Variants in DYNC2H1 observed in about 807,000 individuals in gnomAD.
DYNC2H1 encodes the protein dynein cytoplasmic 2 heavy chain 1.
In DYNC2H1, 410 loss-of-function variants were observed where a neutral mutation model predicts 570.0. That is an observed-to-expected ratio of 0.72 (90% confidence interval 0.66 to 0.78). DYNC2H1 has a LOEUF of 0.78. Among genes scored for constraint, DYNC2H1 ranks in the 30% least tolerant of loss-of-function variants. DYNC2H1 has a pLI of 0.00. For missense variants in DYNC2H1, 4,865 were observed against 5,046.4 expected (o/e 0.96, Z 1.09); for synonymous variants, 1,688 against 1,677.6 (o/e 1.01, Z -0.15).
At chr11:103,286,987 A>G (rs1213426995) in intron 74 of DYNC2H1, among the ~76,000 whole-genome samples, 2 of 152,204 alleles carry the variant, frequency 1.3e-5, no homozygotes, top group Admixed American at 1.3e-4. Context: ...GAAAACTTAA[A>G]CATCTAGGAA....
chr11:103,158,754 T>C lies in DYNC2H1; in HGVS notation c.4205T>C (p.Leu1402Pro), dbSNP rs1860949358. The change falls in exon 27 of 89, where the codon CTA (leucine) becomes CCA (proline). Residue 1402 changes from leucine (L) to proline (P), a missense_variant. Physicochemically the swap from Leu to Pro is moderately conservative, Grantham distance 98. Transcript: ENST00000375735. Reference protein sequence around the residue: ...TTHAGIRNSLLTILDQLQRCQ... With the variant: ...TTHAGIRNSLPTILDQLQRCQ... ...CATGCTGGAATAAGAAATTCTCTACTAACAATACTTGATCAGCTTCAAAGA... is the reference window on the plus strand; with the variant it reads ...CATGCTGGAATAAGAAATTCTCTACCAACAATACTTGATCAGCTTCAAAGA... The C allele has an allele frequency of 1.3e-6, 2 of 1,513,046 alleles. No individual in the cohort carries two copies. Among genetic ancestry groups the C allele is most frequent in the East Asian group, 4.9e-5 (2 of 40,780 alleles). The allele number at this position is 1,513,046 out of a possible 1,614,324, so 93.7% of individuals were successfully genotyped here. A position where few individuals can be genotyped will look rare whatever the true frequency, so the allele number is the denominator to read the frequency against.
At position 103,199,696 on chromosome 11, in the gene DYNC2H1, A is replaced by G. The variant is rs916239268; in HGVS notation, c.8088+220A>G. On this transcript the variant is annotated intron_variant, in intron 49 of 88. Coordinates refer to ENST00000375735, the MANE Select transcript of DYNC2H1 (RefSeq NM_001377.3). The surrounding 1 kb of genome is among the most constrained non-coding windows in gnomAD (Gnocchi z 4.6). ...TTTTTATCTATAGACAGGAAAGAGA[A>G]TACTATTAGAATTTCTAGGAAGCAG... 2.0e-5 allele frequency among the ~76,000 whole-genome samples: 3 copies of G among 152,186 alleles called. No individual in the cohort carries two copies. Among genetic ancestry groups the G allele is most frequent in the Admixed American group, 2.0e-4 (3 of 15,284 alleles).
intron 59 of DYNC2H1, among the ~76,000 whole-genome samples, chr11:103,226,217 CTGAT>C (rs1367579951): frequency 1.3e-5 from 2 of 152,168 alleles, no homozygotes; most frequent in African/African-American, 4.8e-5. Context: ...TTTCTCTTGT[CTGAT>C]TGTTCTGGCT....
chr11:103,177,778 G>A lies in DYNC2H1; in HGVS notation c.6097G>A (p.Val2033Ile). 6.2e-7 allele frequency: 1 copy of A among 1,612,708 alleles called. No homozygotes were observed. The highest frequency in any genetic ancestry group is 8.5e-7 in the Non-Finnish European group (1 of 1,179,400). The change falls in exon 38 of 89, where the codon GTT becomes ATT. Residue 2033 changes from valine (V) to isoleucine (I), a missense_variant. Val to Ile is a conservative substitution (Grantham distance 29). Around this residue, in one of 5 missense-constraint regions of DYNC2H1, gnomAD observed 231 missense variants for 310.3 expected, o/e 0.74. Transcript: ENST00000375735. This position sits in a 1 kb window ranked among gnomAD's most constrained non-coding sequence, Gnocchi z 4.4. ...GGACACAAGAGAATGGTCTGATGGT[G>A]TTTTGACAAATAGTGCTCGTCAAGT... is the stretch of plus-strand genomic sequence containing the variant. The part of the protein sequence containing the change: ...DMDTREWSDG[V>I]LTNSARQVVR...
At chr11:103,168,689 A>G in intron 31 of DYNC2H1, 66 bp from the exon 32 acceptor site, 1 of 1,497,640 alleles carries the variant, frequency 6.7e-7, no homozygotes, top group East Asian at 2.3e-5. Flanking sequence ...TGTACACGTA[A>G]TCATAAATTA....
rs568135771 is a variant in DYNC2H1 at position 103,304,492 on chromosome 11, G to T, written c.11257-103G>T. 15 of 1,231,906 alleles carry T rather than the reference G, an allele frequency of 1.2e-5. No individual in the cohort carries two copies. The East Asian group carries it at 3.8e-4, about 32-fold the overall frequency. 76.3% of individuals were successfully genotyped at this position (1,231,906 alleles called of 1,614,324 possible). A position where few individuals can be genotyped will look rare whatever the true frequency, so the allele number is the denominator to read the frequency against. On this transcript the variant is annotated intron_variant, in intron 76 of 88. Coordinates refer to ENST00000375735, the MANE Select transcript of DYNC2H1 (RefSeq NM_001377.3). ...TCTTCCAAATTTATTATTAAAGCCA[G>T]TTAGGAAGGTTTAGGGATTACTATT...
In DYNC2H1 at chr11:103,170,093, G is replaced by T. The variant is rs747873813; in HGVS notation, c.4969-15G>T. On this transcript the variant is annotated splice_polypyrimidine_tract_variant and intron_variant, in intron 32 of 88. Coordinates refer to ENST00000375735, the MANE Select transcript of DYNC2H1 (RefSeq NM_001377.3). This position sits in a 1 kb window ranked among gnomAD's most constrained non-coding sequence, Gnocchi z 4.8. ...TAGAACATGAATACTCTGACTTTGT[G>T]TTGTTCTTGTATAGGGTAATGCTTC... 1 of 1,591,066 alleles carries T rather than the reference G, an allele frequency of 6.3e-7. No homozygotes were observed. Among genetic ancestry groups the T allele is most frequent in the East Asian group, 2.3e-5 (1 of 43,528 alleles).
At chr11:103,423,479 C>G (rs1469005850) in intron 84 of DYNC2H1, among the ~76,000 whole-genome samples, 1 of 148,340 alleles carries the variant, frequency 6.7e-6, no homozygotes, top group African/African-American at 2.5e-5. Context: ...AAATTATCCC[C>G]AAAGTAATCA....
intron 75 of DYNC2H1, among the ~76,000 whole-genome samples, chr11:103,288,827 G>A (rs1866466616): frequency 6.8e-6 from 1 of 147,674 alleles, no homozygotes; most frequent in East Asian, 2.0e-4. Flanking sequence ...GTTGCAATGA[G>A]GAGATATCAT....
chr11:103,392,673 C>T (rs1942212329), intron 83 of DYNC2H1, among the ~76,000 whole-genome samples: 1 of 152,052 alleles, frequency 6.6e-6, no homozygotes, highest in Non-Finnish European at 1.5e-5. Flanking sequence ...GCACATAAAC[C>T]ACACCAAAAG....
intron 10 of DYNC2H1, among the ~76,000 whole-genome samples, 194 bp from the exon 11 acceptor site, chr11:103,122,631 T>A (rs180779774): frequency 6.6e-6 from 1 of 152,358 alleles, no homozygotes; most frequent in East Asian, 1.9e-4. Flanking sequence ...GCGTTTGCTC[T>A]TCTGCGGCTG....
rs1349714186 is a variant in DYNC2H1, at chr11:103,395,515, A to T, written c.12157-4148A>T. On this transcript the variant is annotated intron_variant, in intron 83 of 88. Transcript: ENST00000375735. This position sits in a 1 kb window ranked among gnomAD's most constrained non-coding sequence, Gnocchi z 4.3. The stretch of plus-strand genomic sequence containing the variant: ...TGTACACACACACACACACACACAC[A>T]CTTCTCTGTATTGGCACCATTTTTC... Among the ~76,000 whole-genome samples, 1 of 146,088 alleles carries T rather than the reference A, an allele frequency of 6.8e-6. No homozygotes were observed. The highest frequency in any genetic ancestry group is 1.5e-5 in the Non-Finnish European group (1 of 65,778).
chr11:103,318,584 C>T (rs1937991987), intron 80 of DYNC2H1, among the ~76,000 whole-genome samples: 1 of 151,976 alleles, frequency 6.6e-6, no homozygotes, highest in Admixed American at 6.6e-5. Flanking sequence ...ATGGGTAATG[C>T]TGCTATACCT....
At position 103,256,116 on chromosome 11, in the gene DYNC2H1, C is replaced by T. The variant is rs1295977897; in HGVS notation, c.10337C>T (p.Thr3446Ile). ...TAACTTTCCCTACAGACACTTGCCA[C>T]ATCTCAAGGCAATATTTTGGAAAAT... ...LEESLLETLA[T>I]SQGNILENKD... Residue 3446 changes from threonine to isoleucine, a missense_variant, in exon 68 of 89, where the codon ACA (threonine) becomes ATA (isoleucine). Coordinates refer to ENST00000375735, the MANE Select transcript of DYNC2H1 (RefSeq NM_001377.3). This position sits in a 1 kb window ranked among gnomAD's most constrained non-coding sequence, Gnocchi z 4.0. The T allele has an allele frequency of 1.9e-6, 3 of 1,602,572 alleles. No homozygotes were observed. The highest frequency in any genetic ancestry group is 2.6e-6 in the Non-Finnish European group (3 of 1,173,538).
Position 103,184,838 on chromosome 11 carries a change from A to G in DYNC2H1, c.6478-58A>G, listed in dbSNP as rs1862001516. ...TGTGAACATCAGTCTGTATGGTTCTATGTTTACTGGTTAATAGTTGCCTTT... is the reference window on the plus strand; with the variant it reads ...TGTGAACATCAGTCTGTATGGTTCTGTGTTTACTGGTTAATAGTTGCCTTT... On this transcript the variant is annotated intron_variant, in intron 40 of 88. Coordinates refer to ENST00000375735, the MANE Select transcript of DYNC2H1 (RefSeq NM_001377.3). 1.0e-5 allele frequency: 16 copies of G among 1,589,040 alleles called. No individual in the cohort carries two copies. In the South Asian group the frequency reaches 1.4e-4, roughly 14 times the overall value.
Position 103,446,778 on chromosome 11 carries a change from A to T in DYNC2H1, c.12457-8408A>T, listed in dbSNP as rs999637194. ...AAATGATTTTAGGAGTAAAGTTCTT[A>T]AAAAGGCAAGAGGAAATAGGGCCCA... On this transcript the variant is annotated intron_variant, in intron 85 of 88. Transcript: ENST00000375735. The surrounding 1 kb of genome is among the most constrained non-coding windows in gnomAD (Gnocchi z 4.5). Among the ~76,000 whole-genome samples the T allele has an allele frequency of 6.6e-6, 1 of 152,138 alleles. No homozygotes were observed. Among genetic ancestry groups the T allele is most frequent in the African/African-American group, 2.4e-5 (1 of 41,442 alleles).
At position 103,325,009 on chromosome 11, in the gene DYNC2H1, T is replaced by G. The variant is rs1938397553; in HGVS notation, c.12039+1019T>G. 6.6e-6 allele frequency among the ~76,000 whole-genome samples: 1 copy of G among 152,246 alleles called. No individual in the cohort carries two copies. Among genetic ancestry groups the G allele is most frequent in the Admixed American group, 6.5e-5 (1 of 15,288 alleles). On this transcript the variant is annotated intron_variant, in intron 82 of 88. Coordinates refer to ENST00000375735, the MANE Select transcript of DYNC2H1 (RefSeq NM_001377.3). This position sits in a 1 kb window ranked among gnomAD's most constrained non-coding sequence, Gnocchi z 4.8. ...ATGTTTATTGGCCGTATGTATGTCT[T>G]CTTTTGAGAAGCATCTCTTCATGTT... is the stretch of plus-strand genomic sequence containing the variant.
At chr11:103,444,192 C>A (rs1188025708) in intron 85 of DYNC2H1, among the ~76,000 whole-genome samples, 4 of 151,312 alleles carry the variant, frequency 2.6e-5, no homozygotes, top group African/African-American at 4.8e-5. Flanking sequence ...CAATCTATTT[C>A]TTGAACCATA....
At chr11:103,460,855 T>C (rs1448683888) in intron 87 of DYNC2H1, among the ~76,000 whole-genome samples, 2 of 152,012 alleles carry the variant, frequency 1.3e-5, no homozygotes, top group Non-Finnish European at 2.9e-5. Context: ...TTATTTTTCA[T>C]TTGGGATTCA....
Sources: allele counts gnomAD v4.1 joint callset (sites outside exome capture counted in the v4.1 genomes callset), GRCh38; gene constraint gnomAD v4.1.1; regional missense constraint gnomAD v4.1.1; non-coding constraint Gnocchi (gnomAD v3.1); transcripts MANE v1.5; gene names NCBI Gene and HGNC (gene_info 2026-07-23, HGNC 2026-07-21).